The following MREG variants were observed in gnomAD, a reference collection of about 807,000 sequenced individuals.
MREG encodes melanoregulin, also known as dilute suppressor protein homolog.
In MREG, 31 loss-of-function variants were observed where a neutral mutation model predicts 28.5. The ratio of observed to expected loss-of-function variants is 1.09; its 90% confidence interval spans 0.82 to 1.47. The LOEUF is 1.47. Among genes scored for constraint, MREG ranks in the 40% most tolerant of loss-of-function variants. The pLI, the probability that MREG is intolerant of heterozygous loss-of-function variation, is 0.00. For synonymous variants in MREG, 106 were observed against 95.2 expected, an observed-to-expected ratio of 1.11 and a Z score of -0.66; for missense variants, 256 against 257.4, an observed-to-expected ratio of 0.99 and a Z score of 0.04.
intron 1 of MREG, among the ~76,000 whole-genome samples, chr2:216,029,581 C>G (rs1166230389): frequency 6.6e-6 from 1 of 152,214 alleles, no homozygotes; most frequent in African/African-American, 2.4e-5. Context: ...GGCCCTTGGG[C>G]TTGAAGAACT....
In MREG at chr2:215,944,724, T is replaced by C; in HGVS notation, c.*139A>G. Reference sequence around the variant, plus strand: ...GGGCAGGGTCCTCAGATTAAAGACTTTACATTTATGTAGAATTCAGTATCA... The same window carrying C: ...GGGCAGGGTCCTCAGATTAAAGACTCTACATTTATGTAGAATTCAGTATCA... On this transcript the variant is annotated 3_prime_UTR_variant, in exon 5 of 5. Transcript: ENST00000263268. 2 of 897,750 alleles carry C rather than the reference T, an allele frequency of 2.2e-6. No homozygotes were observed. Among genetic ancestry groups the C allele is most frequent in the Non-Finnish European group, 3.2e-6 (2 of 631,858 alleles). 55.6% of individuals were successfully genotyped at this position (897,750 alleles called of 1,614,324 possible). A position where few individuals can be genotyped will look rare whatever the true frequency, so the allele number is the denominator to read the frequency against.
Position 216,006,343 on chromosome 2 carries a change from T to G in MREG, c.95+6890A>C, listed in dbSNP as rs111988590. ...CCTACGCGTTGGGCCTAAAGCCCAG[T>G]CCCTGGGACAGCACTCATGCACCTC... On this transcript the variant is annotated intron_variant, in intron 1 of 4. Transcript: ENST00000263268. 1.2e-3 allele frequency among the ~76,000 whole-genome samples: 190 copies of G among 152,332 alleles called. 1 individual carries two copies. The highest frequency in any genetic ancestry group is 4.5e-3 in the African/African-American group (187 of 41,576).
upstream of MREG, among the ~76,000 whole-genome samples, chr2:216,015,597 C>A (rs896599899): frequency 1.3e-5 from 2 of 152,026 alleles, no homozygotes; most frequent in Non-Finnish European, 2.9e-5. Flanking sequence ...GTAATAGGAT[C>A]CAATGGCTGC....
At chr2:215,976,901 A>G (rs573789086) in intron 2 of MREG, among the ~76,000 whole-genome samples, 52 of 152,346 alleles carry the variant, frequency 3.4e-4, no homozygotes, top group African/African-American at 1.1e-3. Flanking sequence ...GAAAGGAACG[A>G]CTGGTACCAG....
chr2:216,000,439 T>A (rs1693987593), intron 1 of MREG, among the ~76,000 whole-genome samples: 1 of 152,010 alleles, frequency 6.6e-6, no homozygotes, highest in South Asian at 2.1e-4. Flanking sequence ...GCACTCTCCT[T>A]GAGTCACCCA....
chr2:215,984,586 C>T lies in MREG; in HGVS notation c.255+11720G>A, dbSNP rs552879666. On this transcript the variant is annotated intron_variant, in intron 2 of 4. Transcript: ENST00000263268. ...AGAGTCAAAATGTGAAAGCTATGTA[C>T]AAACTCCTAAAGGAACTGCCAAACC... 2.1e-3 allele frequency among the ~76,000 whole-genome samples: 280 copies of T among 134,010 alleles called. 3 individuals carry two copies. Among genetic ancestry groups the T allele is most frequent in the Admixed American group, 4.7e-3 (64 of 13,528 alleles). 87.9% of individuals were successfully genotyped at this position (134,010 alleles called of 152,430 possible).
chr2:215,971,673 T>C (rs567197215), intron 2 of MREG, among the ~76,000 whole-genome samples: 3 of 152,266 alleles, frequency 2.0e-5, no homozygotes, highest in East Asian at 3.9e-4. Flanking sequence ...AAGCTGAATG[T>C]AGAAAAACAT....
intron 1 of MREG, among the ~76,000 whole-genome samples, chr2:216,031,183 G>A (rs1694683277): frequency 6.6e-6 from 1 of 151,982 alleles, no homozygotes; most frequent in Non-Finnish European, 1.5e-5. Flanking sequence ...GAGGCAGGCA[G>A]ATCACCTGAG....
chr2:215,947,723 T>A (rs1692358000), intron 2 of MREG, among the ~76,000 whole-genome samples: 1 of 152,224 alleles, frequency 6.6e-6, no homozygotes, highest in Admixed American at 6.5e-5. Flanking sequence ...CTGGGCAATG[T>A]CTCCTTCACC....
chr2:215,940,337 A>C (rs867520483), downstream of MREG, among the ~76,000 whole-genome samples: 1 of 152,230 alleles, frequency 6.6e-6, no homozygotes, highest in Non-Finnish European at 1.5e-5. Context: ...TACTCCCTTC[A>C]CTGCAAAATA....
intron 2 of MREG, among the ~76,000 whole-genome samples, chr2:215,952,369 G>A (rs1405949324): frequency 6.6e-6 from 1 of 152,064 alleles, no homozygotes; most frequent in Non-Finnish European, 1.5e-5. Context: ...AGACGGTAAT[G>A]GATGTGTTAA....
intron 1 of MREG, among the ~76,000 whole-genome samples, chr2:215,998,854 A>C (rs1559193362): frequency 6.6e-6 from 1 of 152,258 alleles, no homozygotes; most frequent in South Asian, 2.1e-4. Context: ...CATGAAGATA[A>C]ATAGGACATT....
chr2:215,955,880 A>T (rs1463179331), intron 2 of MREG, among the ~76,000 whole-genome samples: 1 of 152,200 alleles, frequency 6.6e-6, no homozygotes, highest in Non-Finnish European at 1.5e-5. Context: ...ACAGACTAGG[A>T]TAGTTCTGCC....
chr2:215,957,120 AAAAAAGTAG>A lies in MREG; in HGVS notation c.256-10016_256-10008del, dbSNP rs1387233867. 3.9e-5 allele frequency among the ~76,000 whole-genome samples: 6 copies of A among 152,266 alleles called. No homozygotes were observed. In the South Asian group the frequency reaches 8.3e-4, roughly 21 times the overall value. On this transcript the variant is annotated intron_variant, in intron 2 of 4. Coordinates refer to ENST00000263268, the MANE Select transcript of MREG (RefSeq NM_018000.3). ...GGGTGGGCAAGGGAGGAAGGAAGGAAAAAAAGTAGAAAAAATAGAGAAAAAGCAACCCAT... is the reference window on the plus strand; with the variant it reads ...GGGTGGGCAAGGGAGGAAGGAAGGAAAAAAAATAGAGAAAAAGCAACCCAT...
At chr2:216,011,864 T>A (rs889532320) in intron 1 of MREG, among the ~76,000 whole-genome samples, 1 of 152,228 alleles carries the variant, frequency 6.6e-6, no homozygotes, top group East Asian at 1.9e-4. Context: ...GTGTATAACC[T>A]AAGCATAAAA....
intron 1 of MREG, among the ~76,000 whole-genome samples, chr2:216,000,229 C>T (rs957824863): frequency 9.2e-5 from 14 of 152,066 alleles, no homozygotes; most frequent in Non-Finnish European, 1.9e-4. Context: ...TGCTTGACTT[C>T]TTCTGGGCCA....
intron 2 of MREG, among the ~76,000 whole-genome samples, chr2:215,979,345 C>T (rs1693348176): frequency 1.3e-5 from 2 of 151,872 alleles, no homozygotes; most frequent in South Asian, 4.2e-4. Flanking sequence ...TGCCTGTAAT[C>T]CCAGCTACTC....
intron 2 of MREG, among the ~76,000 whole-genome samples, chr2:215,987,250 A>G (rs1195719069): frequency 1.3e-5 from 2 of 149,568 alleles, no homozygotes; most frequent in African/African-American, 5.1e-5. Flanking sequence ...AACATAAGCA[A>G]CTTTTTTTTT....
intron 2 of MREG, among the ~76,000 whole-genome samples, chr2:215,948,298 A>C (rs1365115970): frequency 1.3e-5 from 2 of 152,236 alleles, no homozygotes; most frequent in Non-Finnish European, 2.9e-5. Context: ...GGCATTTTAG[A>C]TCTTGAATCT....
Sources: gnomAD v4.1 joint callset for allele counts (sites outside exome capture counted in the v4.1 genomes callset) on GRCh38, gnomAD v4.1.1 for gene constraint, MANE v1.5 for transcripts, NCBI Gene and HGNC (gene_info 2026-07-23, HGNC 2026-07-21) for gene names.